LIMS2: variants seen among roughly 807,000 people sequenced by gnomAD.
The protein encoded by LIMS2 is LIM and senescent cell antigen-like-containing domain protein 2.
Under a neutral mutation model 45.3 loss-of-function variants are expected in LIMS2, and 30 were observed. That is an observed-to-expected ratio of 0.66 (90% CI 0.50 to 0.90). The LOEUF is 0.90. Among genes scored for constraint, LIMS2 ranks in the 40% least tolerant of loss-of-function variants. The probability of loss-of-function intolerance (pLI) is 0.00; values close to 1 mark genes in which losing one functional copy is unlikely to be tolerated. For missense variants in LIMS2, 485 were observed against 468.7 expected, an observed-to-expected ratio of 1.03 and a Z score of -0.32; for synonymous variants, 173 against 188.0, an observed-to-expected ratio of 0.92 and a Z score of 0.65.
At position 127,642,569 on chromosome 2, in the gene LIMS2, C is replaced by T. The variant is rs2105205459; in HGVS notation, c.509+354G>A. 2 of 369,482 alleles carry T rather than the reference C, an allele frequency of 5.4e-6. No individual in the cohort carries two copies. The highest frequency in any genetic ancestry group is 4.1e-5 in the African/African-American group (2 of 48,670). The allele number at this position is 369,482 out of a possible 1,614,324, so 22.9% of individuals were successfully genotyped here. ...GGGCTGAGGGGCTGCCTATGCAACT[C>T]CTCTCTCCAACACCAGCACCAAGCC... On this transcript the variant is annotated intron_variant, in intron 5 of 9. Coordinates refer to ENST00000355119, the MANE Select transcript of LIMS2 (RefSeq NM_001161403.3). The surrounding 1 kb of genome is among the most constrained non-coding windows in gnomAD (Gnocchi z 5.3).
intron 9 of LIMS2, among the ~76,000 whole-genome samples, chr2:127,639,671 C>A (rs113712311): frequency 2.0e-5 from 3 of 152,182 alleles, no homozygotes; most frequent in Non-Finnish European, 4.4e-5. Context: ...TGCCTCCCCA[C>A]AGCCCTTGGA....
chr2:127,680,847 C>T (rs1685597462), intron 1 of LIMS2, among the ~76,000 whole-genome samples: 1 of 152,090 alleles, frequency 6.6e-6, no homozygotes, highest in African/African-American at 2.4e-5. Flanking sequence ...GGGCAGCCCC[C>T]ACCACATATC....
chr2:127,651,830 C>G lies in LIMS2; in HGVS notation c.359+2594G>C, dbSNP rs1411869075. On this transcript the variant is annotated intron_variant, in intron 4 of 9. Transcript: ENST00000355119. ...CCCAGCAAGAGGCATCTGCCCTTTC[C>G]CCAGCCACCTCCCCAGCAAGCAACC... 3 of 1,389,264 alleles carry G rather than the reference C, an allele frequency of 2.2e-6. No individual in the cohort carries two copies. The East Asian group carries it at 6.9e-5, about 32-fold the overall frequency. The allele number at this position is 1,389,264 out of a possible 1,614,324, so 86.1% of individuals were successfully genotyped here.
intron 1 of LIMS2, 133 bp downstream of exon 1, chr2:127,674,881 C>T: frequency 8.2e-7 from 1 of 1,214,332 alleles, no homozygotes; most frequent in Non-Finnish European, 1.0e-6. Flanking sequence ...GCCCCGGCAG[C>T]TGCGAGAATC....
intron 1 of LIMS2, among the ~76,000 whole-genome samples, chr2:127,666,370 T>C (rs954001299): frequency 1.4e-5 from 2 of 146,104 alleles, no homozygotes; most frequent in Admixed American, 6.8e-5. Context: ...GAAAAACAGA[T>C]GAATCTTGGT....
intron 1 of LIMS2, 61 bp from the exon 2 acceptor site, chr2:127,657,623 GC>G: frequency 2.0e-6 from 3 of 1,488,290 alleles, no homozygotes; most frequent in Non-Finnish European, 2.7e-6. Flanking sequence ...TGGGGCACAC[GC>G]GGGGGCCTGC....
intron 7 of LIMS2, chr2:127,640,655 C>G: frequency 1.7e-6 from 1 of 597,888 alleles, no homozygotes. Flanking sequence ...CTGGCACTGT[C>G]AGCCCCATGT....
At chr2:127,654,800 G>A in intron 3 of LIMS2, 30 bp downstream of exon 3, 1 of 1,611,258 alleles carries the variant, frequency 6.2e-7, no homozygotes, top group South Asian at 1.1e-5. Context: ...TTCCCAGGCA[G>A]CCCAGGATGT....
chr2:127,673,675 C>T, intron 1 of LIMS2: 2 of 1,551,484 alleles, frequency 1.3e-6, no homozygotes, highest in East Asian at 2.4e-5. Context: ...GCCTCTCACC[C>T]ACCTCCACCT....
At position 127,675,162 on chromosome 2, in the gene LIMS2, C is replaced by A. The variant is rs1400210843; in HGVS notation, c.-138G>T. On this transcript the variant is annotated 5_prime_UTR_variant, in exon 1 of 10. Transcript: ENST00000355119. ...GCCCAAAAAAGGCCAAGAGCCGCTCCGCCCGCGAGAGGGGTGGGCGGGGGT... is the reference window on the plus strand; with the variant it reads ...GCCCAAAAAAGGCCAAGAGCCGCTCAGCCCGCGAGAGGGGTGGGCGGGGGT... 2 of 727,032 alleles carry A rather than the reference C, an allele frequency of 2.8e-6. No individual in the cohort carries two copies. The highest frequency in any genetic ancestry group is 6.7e-5 in the South Asian group (1 of 14,998). The allele number at this position is 727,032 out of a possible 1,614,324, so 45.0% of individuals were successfully genotyped here. A position where few individuals can be genotyped will look rare whatever the true frequency, so the allele number is the denominator to read the frequency against.
chr2:127,680,590 G>A (rs1685593403), intron 1 of LIMS2, among the ~76,000 whole-genome samples: 1 of 152,206 alleles, frequency 6.6e-6, no homozygotes, highest in African/African-American at 2.4e-5. Context: ...AGAGAAGCTG[G>A]CGGAATGTCG....
In LIMS2 at chr2:127,657,349, C is replaced by T. The variant is rs973317845; in HGVS notation, c.171+54G>A. 33 of 1,607,324 alleles carry T rather than the reference C, an allele frequency of 2.1e-5. No homozygotes were observed. The African/African-American group carries it at 4.1e-4, about 20-fold the overall frequency. ...CTGCATGGAGCCCGGCCCACCCGCT[C>T]ATAGAGGGCAGACTCCGAGCTGGGT... On this transcript the variant is annotated intron_variant, in intron 2 of 9. Transcript: ENST00000355119.
At position 127,650,882 on chromosome 2, in the gene LIMS2, T is replaced by C. The variant is rs767534552; in HGVS notation, c.359+3542A>G. The C allele has an allele frequency of 1.9e-6, 3 of 1,614,088 alleles. No homozygotes were observed. In the East Asian group the frequency reaches 6.7e-5, roughly 36 times the overall value. On this transcript the variant is annotated intron_variant, in intron 4 of 9. Transcript: ENST00000355119. Reference sequence around the variant, plus strand: ...ATTTTATCCTGGCTTTAGTTGGCAATACCCTGGCTCTGTGGCTTTTCATCC... The same window carrying C: ...ATTTTATCCTGGCTTTAGTTGGCAACACCCTGGCTCTGTGGCTTTTCATCC...
At chr2:127,676,104 C>T (rs3806587), upstream of LIMS2, among the ~76,000 whole-genome samples, 22,491 of 152,214 alleles carry the variant, frequency 0.15, 1,772 homozygotes, top group South Asian at 0.23. Flanking sequence ...AAACCCCCGC[C>T]CTGCCTAAAG....
In LIMS2 at chr2:127,647,809, CGG is replaced by C. The variant is rs1189158006; in HGVS notation, c.360-4739_360-4738del. On this transcript the variant is annotated intron_variant, in intron 4 of 9. Transcript: ENST00000355119. This position sits in a 1 kb window ranked among gnomAD's most constrained non-coding sequence, Gnocchi z 4.3. The stretch of plus-strand genomic sequence containing the variant: ...CCTGGAGCCCTGTTCCTCCAGTCTC[CGG>C]GTCCTCACCCCCAGCACATGCAACA... Among the ~76,000 whole-genome samples the C allele has an allele frequency of 6.6e-6, 1 of 152,038 alleles. No homozygotes were observed. The highest frequency in any genetic ancestry group is 2.4e-5 in the African/African-American group (1 of 41,368).
At chr2:127,641,370 C>T (rs1318728089) in intron 6 of LIMS2, 3 of 215,332 alleles carry the variant, frequency 1.4e-5, no homozygotes, top group Non-Finnish European at 2.9e-5. Flanking sequence ...TAGGCAGAGG[C>T]GGCCCTGCCT....
upstream of LIMS2, among the ~76,000 whole-genome samples, chr2:127,678,520 G>A (rs568227268): frequency 6.6e-5 from 10 of 152,308 alleles, no homozygotes; most frequent in Non-Finnish European, 1.2e-4. The surrounding 1 kb of genome is among the most constrained non-coding windows in gnomAD (Gnocchi z 5.3). Context: ...TATGGTGAGC[G>A]TCCAGGAGGG....
At position 127,675,191 on chromosome 2, in the gene LIMS2, A is replaced by G. The variant is rs1354928492; in HGVS notation, c.-167T>C. ...CGCGAGAGGGGTGGGCGGGGGTGGCAGGGTGGGGCCCGCGGGGCGGGGTGG... is the reference window on the plus strand; with the variant it reads ...CGCGAGAGGGGTGGGCGGGGGTGGCGGGGTGGGGCCCGCGGGGCGGGGTGG... On this transcript the variant is annotated 5_prime_UTR_variant, in exon 1 of 10. Coordinates refer to ENST00000355119, the MANE Select transcript of LIMS2 (RefSeq NM_001161403.3). 22 of 100,828 alleles carry G rather than the reference A, an allele frequency of 2.2e-4. No homozygotes were observed. Among genetic ancestry groups the G allele is most frequent in the African/African-American group, 8.8e-4 (21 of 23,878 alleles). 6.2% of individuals were successfully genotyped at this position (100,828 alleles called of 1,614,324 possible). A position where few individuals can be genotyped will look rare whatever the true frequency, so the allele number is the denominator to read the frequency against.
rs1684001209 is a variant in LIMS2 at position 127,653,442 on chromosome 2, A to G, written c.359+982T>C. On this transcript the variant is annotated intron_variant, in intron 4 of 9. Transcript: ENST00000355119. The surrounding 1 kb of genome is among the most constrained non-coding windows in gnomAD (Gnocchi z 5.3). ...AGGTGACATGTGGGCAGCTGAGGAC[A>G]GCGAGAGAGAGGCCTGAAGTGGAGC... Among the ~76,000 whole-genome samples, 1 of 152,214 alleles carries G rather than the reference A, an allele frequency of 6.6e-6. No homozygotes were observed. Among genetic ancestry groups the G allele is most frequent in the African/African-American group, 2.4e-5 (1 of 41,456 alleles).
Sources: allele counts gnomAD v4.1 joint callset (sites outside exome capture counted in the v4.1 genomes callset), GRCh38; gene constraint gnomAD v4.1.1; non-coding constraint Gnocchi (gnomAD v3.1); transcripts MANE v1.5; gene names NCBI Gene and HGNC (gene_info 2026-07-23, HGNC 2026-07-21).